PALM: variants seen among roughly 807,000 people sequenced by gnomAD.
The protein encoded by PALM is paralemmin.
Under a neutral mutation model 30.7 loss-of-function variants are expected in PALM, and 18 were observed. The observed-to-expected ratio is 0.59, with a 90% confidence interval of 0.41 to 0.87. The LOEUF (loss-of-function observed/expected upper bound fraction) is 0.87, where lower values mean the gene tolerates loss of function less well. Among genes scored for constraint, PALM ranks in the 40% least tolerant of loss-of-function variants. The pLI is 0.00. For missense variants in PALM, 529 were observed against 555.4 expected (o/e 0.95, Z 0.48); for synonymous variants, 286 against 242.8 (o/e 1.18, Z -1.66).
At chr19:727,163 CCCTGACCCTGACCCCAATCCCAA>C (rs2032697718) in intron 3 of PALM, 75 bp downstream of exon 3, 1 of 922,638 alleles carries the variant, frequency 1.1e-6, no homozygotes, top group Non-Finnish European at 1.7e-6. Context: ...TCCTGCCCAA[CCCTGACCCTGACCCCAATCCCAA>C]CCTGACCCTG....
intron 5 of PALM, 91 bp from the exon 6 acceptor site, chr19:734,082 C>A: frequency 1.6e-6 from 2 of 1,215,626 alleles, no homozygotes; most frequent in Non-Finnish European, 2.4e-6. Flanking sequence ...ACCCACTGTG[C>A]CATGCCCTCC....
At position 709,878 on chromosome 19, in the gene PALM, C is replaced by T. The variant is rs557811944; in HGVS notation, c.5+727C>T. ...GAGTGGGCTGGCCCTGGGCTGGGATCCCTGGACCCCCGCATGGCTGCGCCT... is the reference window on the plus strand; with the variant it reads ...GAGTGGGCTGGCCCTGGGCTGGGATTCCTGGACCCCCGCATGGCTGCGCCT... On this transcript the variant is annotated intron_variant, in intron 1 of 8. Transcript: ENST00000338448. The surrounding 1 kb of genome is among the most constrained non-coding windows in gnomAD (Gnocchi z 4.3). Among the ~76,000 whole-genome samples, 18 of 151,948 alleles carry T rather than the reference C, an allele frequency of 1.2e-4. No homozygotes were observed. The highest frequency in any genetic ancestry group is 3.6e-4 in the African/African-American group (15 of 41,352).
intron 1 of PALM, among the ~76,000 whole-genome samples, chr19:715,034 C>A (rs2032212264): frequency 1.3e-5 from 2 of 152,160 alleles, no homozygotes; most frequent in South Asian, 4.1e-4. Context: ...AAGGCCGAGG[C>A]AGGAGGATCA....
chr19:737,003 A>C (rs2033043580), intron 7 of PALM, among the ~76,000 whole-genome samples: 1 of 152,234 alleles, frequency 6.6e-6, no homozygotes, highest in Non-Finnish European at 1.5e-5. Context: ...TAGTGAGCCA[A>C]GGTCGTGCCA....
At chr19:743,770 C>T (rs1344012006) in intron 8 of PALM, among the ~76,000 whole-genome samples, 5 of 152,082 alleles carry the variant, frequency 3.3e-5, no homozygotes, top group Admixed American at 6.6e-5. Context: ...TGCTGAAATC[C>T]GGTCCTTGGA....
intron 1 of PALM, among the ~76,000 whole-genome samples, chr19:716,411 C>CAAA (rs564541436): frequency 7.6e-6 from 1 of 131,490 alleles, no homozygotes; most frequent in African/African-American, 2.8e-5. Context: ...CTCTTTCTCT[C>CAAA]AAAAAAAAAA....
At chr19:738,061 A>G (rs1032352608) in intron 7 of PALM, among the ~76,000 whole-genome samples, 2 of 152,046 alleles carry the variant, frequency 1.3e-5, no homozygotes, top group African/African-American at 4.8e-5. Flanking sequence ...TATGTTCTGA[A>G]GGTGGAGCCC....
chr19:741,427 C>A (rs34237670), intron 8 of PALM, among the ~76,000 whole-genome samples: 1 of 105,814 alleles, frequency 9.5e-6, no homozygotes, highest in African/African-American at 3.9e-5. Context: ...TGAGGGGAGA[C>A]GGGCTGCAGG....
Position 726,993 on chromosome 19 carries a change from CG to C in PALM, c.58-13del. 4.6e-6 allele frequency: 6 copies of C among 1,311,600 alleles called. No homozygotes were observed. Among genetic ancestry groups the C allele is most frequent in the East Asian group, 2.7e-5 (1 of 36,874 alleles). The allele number at this position is 1,311,600 out of a possible 1,614,324, so 81.2% of individuals were successfully genotyped here. On this transcript the variant is annotated splice_polypyrimidine_tract_variant and intron_variant, in intron 2 of 8. Transcript: ENST00000338448. ...CCCCACGCCCATCCCTGACCCCACC[CG>C]GCCCTCCCCACAGGAGAAGCGGAAG...
intron 1 of PALM, among the ~76,000 whole-genome samples, chr19:716,426 A>AG (rs2032261091): frequency 6.6e-6 from 1 of 150,880 alleles, no homozygotes; most frequent in Admixed American, 6.6e-5. Context: ...AAAAAAAAAA[A>AG]GAAAGTTTAG....
chr19:738,664 G>T (rs1192160897), intron 7 of PALM, among the ~76,000 whole-genome samples: 1 of 152,168 alleles, frequency 6.6e-6, no homozygotes, highest in Non-Finnish European at 1.5e-5. Flanking sequence ...CTGAGTCCAG[G>T]TCAAGGTCCA....
intron 8 of PALM, among the ~76,000 whole-genome samples, chr19:743,195 G>T: frequency 6.6e-6 from 1 of 152,302 alleles, no homozygotes; most frequent in Non-Finnish European, 1.5e-5. Flanking sequence ...GCCCAGCTCT[G>T]GAGTGGCTTT....
intron 8 of PALM, among the ~76,000 whole-genome samples, chr19:743,689 C>T (rs1339093521): frequency 6.6e-6 from 1 of 152,176 alleles, no homozygotes; most frequent in Non-Finnish European, 1.5e-5. Flanking sequence ...CCCAGGCAGC[C>T]GTGTTTCTAG....
chr19:719,154 G>C, intron 1 of PALM: 1 of 985,410 alleles, frequency 1.0e-6, no homozygotes, highest in Non-Finnish European at 1.2e-6. Context: ...GGCTGGAGCT[G>C]CCCGGGCGTG....
Position 727,000 on chromosome 19 carries a change from C to CAA in PALM, c.58-8_58-7insAA. The CAA allele has an allele frequency of 6.9e-7, 1 of 1,446,496 alleles. No individual in the cohort carries two copies. The allele number at this position is 1,446,496 out of a possible 1,614,324, so 89.6% of individuals were successfully genotyped here. On this transcript the variant is annotated splice_polypyrimidine_tract_variant and splice_region_variant and intron_variant, in intron 2 of 8. Transcript: ENST00000338448. ...CCCATCCCTGACCCCACCCGGCCCTCCCCACAGGAGAAGCGGAAGCGGCAG... is the reference window on the plus strand; with the variant it reads ...CCCATCCCTGACCCCACCCGGCCCTCAACCCACAGGAGAAGCGGAAGCGGCAG...
chr19:734,479 C>T lies in PALM; in HGVS notation c.442+285C>T, dbSNP rs924322102. 1.1e-5 allele frequency: 5 copies of T among 449,776 alleles called. No homozygotes were observed. In the East Asian group the frequency reaches 1.4e-4, roughly 13 times the overall value. The allele number at this position is 449,776 out of a possible 1,614,324, so 27.9% of individuals were successfully genotyped here. On this transcript the variant is annotated intron_variant, in intron 6 of 8. Coordinates refer to ENST00000338448, the MANE Select transcript of PALM (RefSeq NM_002579.3). Reference sequence around the variant, plus strand: ...CTTTGGGAGGCTGAGGCAGGAGGATCGATCGCTTGAGCCCAGGAGTTCAAG... The same window carrying T: ...CTTTGGGAGGCTGAGGCAGGAGGATTGATCGCTTGAGCCCAGGAGTTCAAG...
chr19:739,397 T>G (rs1791060210), intron 7 of PALM, among the ~76,000 whole-genome samples: 1 of 152,074 alleles, frequency 6.6e-6, no homozygotes, highest in African/African-American at 2.4e-5. Flanking sequence ...AAACCAGGAA[T>G]GGTGGGGCTC....
At chr19:719,276 C>A in intron 1 of PALM, 1 of 985,480 alleles carries the variant, frequency 1.0e-6, no homozygotes, top group Non-Finnish European at 1.2e-6. Context: ...CTCTCTGGGC[C>A]CTTCCAACAC....
intron 2 of PALM, among the ~76,000 whole-genome samples, 181 bp from the exon 3 acceptor site, chr19:726,826 TC>T (rs1164419920): frequency 2.6e-5 from 4 of 152,048 alleles, no homozygotes; most frequent in African/African-American, 9.7e-5. Context: ...CGAGACAGGG[TC>T]TTGCGCTGCT....
Sources: gnomAD v4.1 joint callset for allele counts (sites outside exome capture counted in the v4.1 genomes callset) on GRCh38, gnomAD v4.1.1 for gene constraint, Gnocchi (gnomAD v3.1) non-coding constraint, MANE v1.5 for transcripts, NCBI Gene and HGNC (gene_info 2026-07-23, HGNC 2026-07-21) for gene names.